ZFHX3: variants seen among roughly 807,000 people sequenced by gnomAD.
ZFHX3 encodes the protein zinc finger homeobox protein 3.
In ZFHX3, 42 loss-of-function variants were observed where a neutral mutation model predicts 279.1. The observed-to-expected ratio is 0.15, with a 90% confidence interval of 0.12 to 0.19. The LOEUF is 0.19. Among genes scored for constraint, ZFHX3 ranks in the 10% least tolerant of loss-of-function variants. The pLI is 1.00. For synonymous variants in ZFHX3, 2,293 were observed against 1,957.8 expected (o/e 1.17, Z -4.52); for missense variants, 4,981 against 4,754.0 (o/e 1.05, Z -1.40).
At chr16:73,488,870 C>A (rs1198529320) in intron 2 of ZFHX3, among the ~76,000 whole-genome samples, 1 of 152,130 alleles carries the variant, frequency 6.6e-6, no homozygotes, top group Non-Finnish European at 1.5e-5. Flanking sequence ...GCTTAACCAC[C>A]CACTATTTAG....
chr16:73,415,634 C>T (rs929514318), intron 3 of ZFHX3, among the ~76,000 whole-genome samples: 4 of 152,186 alleles, frequency 2.6e-5, no homozygotes, highest in African/African-American at 9.7e-5. Flanking sequence ...ATCCCCAGTG[C>T]TTGTAAAAGA....
Position 73,728,588 on chromosome 16 carries a change from C to G in ZFHX3, c.-1607-48348G>C, listed in dbSNP as rs562174056. 7.2e-5 allele frequency among the ~76,000 whole-genome samples: 11 copies of G among 152,202 alleles called. No individual in the cohort carries two copies. In the South Asian group the frequency reaches 2.3e-3, roughly 32 times the overall value. ...CCTATACGATAACTCTTGTGAGTTA[C>G]TGGTGGCCATGTTGTTCAATTCTTC... is the stretch of plus-strand genomic sequence containing the variant. On this transcript the variant is annotated intron_variant, in intron 1 of 17. Coordinates refer to the ZFHX3 transcript ENST00000641206.
rs578161669 is a variant in ZFHX3 at position 73,043,597 on chromosome 16, A to G, written c.-50+4155T>C. ...CAAATAACTCTCTAGAGACACCCCC[A>G]TCACTGCCTAGACCACGGCCTTGTC... is the stretch of plus-strand genomic sequence containing the variant. On this transcript the variant is annotated intron_variant, in intron 1 of 9. Coordinates refer to ENST00000268489, the MANE Select transcript of ZFHX3 (RefSeq NM_006885.4). Among the ~76,000 whole-genome samples the G allele has an allele frequency of 4.6e-5, 7 of 152,292 alleles. 1 individual carries two copies. The South Asian group carries it at 1.5e-3, about 32-fold the overall frequency.
chr16:73,038,237 A>C (rs1191400574), intron 1 of ZFHX3, among the ~76,000 whole-genome samples: 1 of 152,082 alleles, frequency 6.6e-6, no homozygotes, highest in African/African-American at 2.4e-5. Flanking sequence ...CACCCCCCCA[A>C]CTATCCAGGC....
intron 1 of ZFHX3, among the ~76,000 whole-genome samples, chr16:73,041,089 G>C (rs1282689565): frequency 6.6e-6 from 1 of 152,172 alleles, no homozygotes; most frequent in East Asian, 1.9e-4. Flanking sequence ...ATTTGAAGGG[G>C]ATTCACAAGC....
At chr16:73,704,373 C>T (rs1259787209) in intron 1 of ZFHX3, among the ~76,000 whole-genome samples, 1 of 152,156 alleles carries the variant, frequency 6.6e-6, no homozygotes, top group Non-Finnish European at 1.5e-5. Flanking sequence ...TCTTACAGAG[C>T]ACCTCAAACA....
Position 73,777,370 on chromosome 16 carries a change from G to A in ZFHX3, c.-1607-97130C>T, listed in dbSNP as rs549132309. Among the ~76,000 whole-genome samples the A allele has an allele frequency of 5.1e-4, 78 of 152,024 alleles. 1 individual carries two copies. The highest frequency in any genetic ancestry group is 1.3e-3 in the African/African-American group (55 of 41,472). ...TATAAAAAATTAGCCAGGTGTGGTG[G>A]CGCGTGCCTGTAGTCTCAGCTACTC... On this transcript the variant is annotated intron_variant, in intron 1 of 17. Transcript: ENST00000641206.
intron 5 of ZFHX3, among the ~76,000 whole-genome samples, chr16:73,178,840 C>T (rs996464354): frequency 6.6e-6 from 1 of 152,080 alleles, no homozygotes; most frequent in African/African-American, 2.4e-5. Flanking sequence ...TCCCATTATC[C>T]GTCCATCCAT....
At chr16:72,841,622 AATG>A (rs1282030740) in intron 4 of ZFHX3, among the ~76,000 whole-genome samples, 1 of 152,106 alleles carries the variant, frequency 6.6e-6, no homozygotes, top group African/African-American at 2.4e-5. Context: ...TCCCTTTCAC[AATG>A]ATTTTAGCTA....
intron 4 of ZFHX3, among the ~76,000 whole-genome samples, chr16:73,317,778 T>C (rs2015487261): frequency 6.6e-6 from 1 of 152,094 alleles, no homozygotes; most frequent in South Asian, 2.1e-4. Flanking sequence ...GTTTGGAGAA[T>C]GTGATAAATG....
At chr16:73,126,413 A>T (rs1966570640) in intron 7 of ZFHX3, among the ~76,000 whole-genome samples, 1 of 152,136 alleles carries the variant, frequency 6.6e-6, no homozygotes, top group East Asian at 1.9e-4. Context: ...GGGAAGCACA[A>T]CAGGACTTGG....
intron 3 of ZFHX3, among the ~76,000 whole-genome samples, chr16:73,421,932 T>G (rs17372690): frequency 0.23 from 35,724 of 152,032 alleles, 4,630 homozygotes; most frequent in Middle Eastern, 0.43. Context: ...CCCACCTAGA[T>G]TCCTCCATCT....
At chr16:73,084,601 A>G (rs1965988385) in intron 8 of ZFHX3, among the ~76,000 whole-genome samples, 2 of 148,700 alleles carry the variant, frequency 1.3e-5, no homozygotes, top group African/African-American at 5.0e-5. Flanking sequence ...GCTCACTGCA[A>G]GCTCCACTTC....
In ZFHX3 at chr16:73,434,371, G is replaced by A. The variant is rs73597029; in HGVS notation, c.-1291+21632C>T. Among the ~76,000 whole-genome samples the A allele has an allele frequency of 9.2e-3, 1,398 of 152,232 alleles. 14 individuals are homozygous for A. The highest frequency in any genetic ancestry group is 0.032 in the African/African-American group (1,336 of 41,526). On this transcript the variant is annotated intron_variant, in intron 3 of 17. Coordinates refer to the ZFHX3 transcript ENST00000641206. ...CCAAAGCCCCTGAAGCAGGGACTGA[G>A]GACTAATTAGTCCATCTCATTAAGT...
At chr16:73,447,576 A>G (rs745534954) in intron 3 of ZFHX3, among the ~76,000 whole-genome samples, 5 of 152,172 alleles carry the variant, frequency 3.3e-5, no homozygotes, top group African/African-American at 4.8e-5. Context: ...CTATAAGGAC[A>G]TTTAACAGAA....
chr16:73,022,489 C>G (rs923962092), intron 1 of ZFHX3, among the ~76,000 whole-genome samples: 2 of 152,120 alleles, frequency 1.3e-5, no homozygotes, highest in African/African-American at 4.8e-5. Flanking sequence ...GGTGGCTGTC[C>G]TGGGCATCGC....
intron 4 of ZFHX3, among the ~76,000 whole-genome samples, chr16:73,275,564 G>A (rs527921458): frequency 2.4e-4 from 37 of 152,242 alleles, no homozygotes; most frequent in African/African-American, 7.9e-4. Flanking sequence ...TTCTGAGTTC[G>A]ATTCCAGACT....
intron 3 of ZFHX3, among the ~76,000 whole-genome samples, chr16:73,424,774 A>AAG (rs1210484141): frequency 2.5e-4 from 37 of 150,568 alleles, no homozygotes; most frequent in Non-Finnish European, 4.9e-4. Context: ...AAAAAAAAAA[A>AAG]AAAGAGAAAG....
At chr16:73,405,639 T>C (rs546793746) in intron 3 of ZFHX3, among the ~76,000 whole-genome samples, 8 of 152,210 alleles carry the variant, frequency 5.3e-5, no homozygotes, top group South Asian at 2.1e-4. Flanking sequence ...TTTTTAGTCA[T>C]TGCAATGGGG....
Sources: gnomAD v4.1 joint callset for allele counts (sites outside exome capture counted in the v4.1 genomes callset) on GRCh38, gnomAD v4.1.1 for gene constraint, MANE v1.5 for transcripts, NCBI Gene and HGNC (gene_info 2026-07-23, HGNC 2026-07-21) for gene names.